The following SSBP4 variants were observed in gnomAD, a reference collection of about 807,000 sequenced individuals.
SSBP4 encodes single-stranded DNA-binding protein 4.
Under a neutral mutation model 64.6 loss-of-function variants are expected in SSBP4, and 33 were observed. That is an observed-to-expected ratio of 0.51 (90% CI 0.39 to 0.68). SSBP4 has a LOEUF of 0.68. Ranked by LOEUF, SSBP4 falls within the 30% of genes least tolerant of loss-of-function variation. The probability of loss-of-function intolerance (pLI) is 0.00; values close to 1 mark genes in which losing one functional copy is unlikely to be tolerated. For missense variants in SSBP4, 583 were observed against 566.8 expected, an observed-to-expected ratio of 1.03 and a Z score of -0.29; for synonymous variants, 243 against 224.0, an observed-to-expected ratio of 1.08 and a Z score of -0.76.
rs530254121 is a variant in SSBP4 at position 18,423,718 on chromosome 19, C to T, written c.60-3633C>T. On this transcript the variant is annotated intron_variant, in intron 1 of 17. Transcript: ENST00000270061. This position sits in a 1 kb window ranked among gnomAD's most constrained non-coding sequence, Gnocchi z 4.0. ...GCCTCATGCTCGCTCCAGGTCCAGG[C>T]GCCCCATGTCCTCCGAGTCTTGTGT... 1.1e-4 allele frequency among the ~76,000 whole-genome samples: 16 copies of T among 152,294 alleles called. No individual in the cohort carries two copies. Among genetic ancestry groups the T allele is most frequent in the African/African-American group, 3.1e-4 (13 of 41,578 alleles).
chr19:18,405,497 C>CA, the SSBP4 span, among the ~76,000 whole-genome samples: 119 of 124,220 alleles, frequency 9.6e-4, no homozygotes, highest in East Asian at 8.0e-3. Context: ...TCTGTCTCTA[C>CA]AAAAAAAAAA....
In SSBP4 at chr19:18,432,818, C is replaced by T. The variant is rs1269230701; in HGVS notation, c.787-11C>T. On this transcript the variant is annotated splice_polypyrimidine_tract_variant and intron_variant, in intron 12 of 17. Transcript: ENST00000270061. ...GGGCCATTTCTCACGGTTCCTGTCT[C>T]TTGTGTGCAGGGACCCCCAGGAGGA... 1 of 1,613,966 alleles carries T rather than the reference C, an allele frequency of 6.2e-7. No individual in the cohort carries two copies. Among genetic ancestry groups the T allele is most frequent in the Admixed American group, 1.7e-5 (1 of 60,018 alleles).
chr19:18,417,197 G>T (rs1972149638), upstream of SSBP4, among the ~76,000 whole-genome samples: 1 of 151,888 alleles, frequency 6.6e-6, no homozygotes, highest in Non-Finnish European at 1.5e-5. The surrounding 1 kb of genome is among the most constrained non-coding windows in gnomAD (Gnocchi z 5.4). Flanking sequence ...CGACTGACTC[G>T]CCAGCTTTTG....
intron 1 of SSBP4, among the ~76,000 whole-genome samples, chr19:18,421,512 G>A (rs911067233): frequency 5.9e-5 from 9 of 152,222 alleles, no homozygotes; most frequent in Admixed American, 5.9e-4. Flanking sequence ...TGTGGCAGTC[G>A]GGAAGGCAGG....
intron 1 of SSBP4, among the ~76,000 whole-genome samples, chr19:18,424,404 A>G (rs1273059016): frequency 6.6e-6 from 1 of 152,154 alleles, no homozygotes; most frequent in Non-Finnish European, 1.5e-5. Context: ...TTGGGGGCCC[A>G]AGACAGAGAC....
At chr19:18,405,179 A>T in the SSBP4 span, among the ~76,000 whole-genome samples, 3 of 152,250 alleles carry the variant, frequency 2.0e-5, no homozygotes, top group Middle Eastern at 3.4e-3. Context: ...CAGTCTAGGC[A>T]GTGGGGCAAC....
In SSBP4 at chr19:18,427,958, C is replaced by G. The variant is rs1355911670; in HGVS notation, c.255C>G (p.Gly85=). The change falls in exon 4 of 18, where the codon GGC becomes GGG. Residue 85 remains glycine, a synonymous_variant. Transcript: ENST00000270061. This position sits in a 1 kb window ranked among gnomAD's most constrained non-coding sequence, Gnocchi z 4.4. ...PDRREACEHS[G]EAKAFQDYSA... ...GAAGAGAGGCCTGCGAGCACTCCGG[C>G]GAGGCCAAGGCCTTCCAGGACTATG... 6.2e-7 allele frequency: 1 copy of G among 1,612,474 alleles called. No homozygotes were observed. Among genetic ancestry groups the G allele is most frequent in the Non-Finnish European group, 8.5e-7 (1 of 1,179,710 alleles).
Position 18,432,057 on chromosome 19 carries a change from G to T in SSBP4, c.623G>T (p.Ser208Ile). 6.3e-7 allele frequency: 1 copy of T among 1,590,668 alleles called. No homozygotes were observed. The change falls in exon 9 of 18, where the codon AGC (serine) becomes ATC (isoleucine). Residue 208 changes from serine (S) to isoleucine (I), a missense_variant. Ser to Ile is a moderately radical substitution (Grantham distance 142). Coordinates refer to ENST00000270061, the MANE Select transcript of SSBP4 (RefSeq NM_032627.5). Reference protein sequence around the residue: ...QRVTPPRGMASVGPQSYGGGM... With the variant: ...QRVTPPRGMAIVGPQSYGGGM... ...GTGACGCCTCCTCGTGGCATGGCCA[G>T]CGTGGGGCCCCAGGTAAGAGTGGAG...
chr19:18,404,985 GCC>G, the SSBP4 span, among the ~76,000 whole-genome samples: 14 of 134,498 alleles, frequency 1.0e-4, no homozygotes, highest in South Asian at 2.5e-4. Context: ...AAGCCCAGAG[GCC>G]CCCCCCCCCG....
chr19:18,432,680 A>G lies in SSBP4; in HGVS notation c.751-20A>G. ...GGGTGAGCCGCCTGGCTGACTGCTC[A>G]CAGCTGCCCTTGTCCCCAGATCCCC... On this transcript the variant is annotated intron_variant, in intron 11 of 17. Coordinates refer to ENST00000270061, the MANE Select transcript of SSBP4 (RefSeq NM_032627.5). The G allele has an allele frequency of 6.4e-7, 1 of 1,563,044 alleles. No homozygotes were observed. The highest frequency in any genetic ancestry group is 8.7e-7 in the Non-Finnish European group (1 of 1,150,078).
upstream of SSBP4, chr19:18,419,351 T>C (rs28375303): frequency 2.6e-5 from 26 of 1,016,962 alleles, no homozygotes; most frequent in South Asian, 4.6e-5. Context: ...GCGGGCGGCG[T>C]AGAGGCAGCG....
At position 18,427,693 on chromosome 19, in the gene SSBP4, C is replaced by A; in HGVS notation, c.133-59C>A. The A allele has an allele frequency of 1.3e-6, 2 of 1,530,024 alleles. No individual in the cohort carries two copies. The highest frequency in any genetic ancestry group is 1.8e-6 in the Non-Finnish European group (2 of 1,131,410). 94.8% of individuals were successfully genotyped at this position (1,530,024 alleles called of 1,614,324 possible). ...GCCCAGATGTTCTCTGGGCACCCTG[C>A]TGGGTGGTGGGGCAGGGTCAGGTAG... On this transcript the variant is annotated intron_variant, in intron 2 of 17. Transcript: ENST00000270061. This position sits in a 1 kb window ranked among gnomAD's most constrained non-coding sequence, Gnocchi z 4.4.
Position 18,427,218 on chromosome 19 carries a change from A to G in SSBP4, c.60-133A>G. 1.2e-6 allele frequency: 1 copy of G among 864,902 alleles called. No individual in the cohort carries two copies. The highest frequency in any genetic ancestry group is 1.8e-6 in the Non-Finnish European group (1 of 558,644). The allele number at this position is 864,902 out of a possible 1,614,324, so 53.6% of individuals were successfully genotyped here. ...GGGGCCTGCAGGACATAGATGGATA[A>G]CTATGAGCTGTCCCTGCTGAGCAGC... On this transcript the variant is annotated intron_variant, in intron 1 of 17. Coordinates refer to ENST00000270061, the MANE Select transcript of SSBP4 (RefSeq NM_032627.5). The surrounding 1 kb of genome is among the most constrained non-coding windows in gnomAD (Gnocchi z 4.4).
At chr19:18,431,474 C>A in intron 6 of SSBP4, 56 bp downstream of exon 6, 1 of 1,087,446 alleles carries the variant, frequency 9.2e-7, no homozygotes, top group Non-Finnish European at 1.3e-6. Flanking sequence ...CCCAGCGCCG[C>A]CCCCTCCCAC....
chr19:18,431,922 C>T, intron 8 of SSBP4, 60 bp downstream of exon 8: 1 of 1,564,052 alleles, frequency 6.4e-7, no homozygotes, highest in Non-Finnish European at 8.7e-7. Context: ...CTCTCAGAGC[C>T]CAGACCTTGC....
chr19:18,413,572 A>G, the SSBP4 span, among the ~76,000 whole-genome samples: 1 of 152,070 alleles, frequency 6.6e-6, no homozygotes, highest in South Asian at 2.1e-4. Context: ...CAGACCCAAG[A>G]TGGCACACTG....
chr19:18,419,370 C>CGA, upstream of SSBP4: 1 of 1,024,244 alleles, frequency 9.8e-7, no homozygotes, highest in East Asian at 9.2e-5. Context: ...CGGGCGGGGG[C>CGA]GCGCGCGGCG....
Position 18,426,084 on chromosome 19 carries a change from G to T in SSBP4, c.60-1267G>T, listed in dbSNP as rs1249151619. On this transcript the variant is annotated intron_variant, in intron 1 of 17. Transcript: ENST00000270061. This position sits in a 1 kb window ranked among gnomAD's most constrained non-coding sequence, Gnocchi z 4.5. ...CAAGGGCAGTGCCCATGAGGACCAG[G>T]TGGGGGCAGGAAGTCCCCATGTTCT... 1 of 152,340 alleles carries T rather than the reference G, an allele frequency of 6.6e-6. No homozygotes were observed. The highest frequency in any genetic ancestry group is 1.9e-4 in the East Asian group (1 of 5,196). 9.4% of individuals were successfully genotyped at this position (152,340 alleles called of 1,614,324 possible).
At position 18,419,439 on chromosome 19, in the gene SSBP4, A is replaced by G. The variant is rs1281522670; in HGVS notation, c.-210A>G. On this transcript the variant is annotated 5_prime_UTR_variant, in exon 1 of 18. Transcript: ENST00000270061. The stretch of plus-strand genomic sequence containing the variant: ...CGCGCGGAGGAAAGGGAGGAAAAAA[A>G]GCCACCCTGCGGCCGGGGCCGGAGC... 2.9e-6 allele frequency: 3 copies of G among 1,048,008 alleles called. No homozygotes were observed. The highest frequency in any genetic ancestry group is 1.6e-4 in the East Asian group (2 of 12,188). The allele number at this position is 1,048,008 out of a possible 1,614,324, so 64.9% of individuals were successfully genotyped here.
Sources: allele counts gnomAD v4.1 joint callset (sites outside exome capture counted in the v4.1 genomes callset), GRCh38; gene constraint gnomAD v4.1.1; non-coding constraint Gnocchi (gnomAD v3.1); transcripts MANE v1.5; gene names NCBI Gene and HGNC (gene_info 2026-07-23, HGNC 2026-07-21).